The following ZNF516 variants were observed in gnomAD, a reference collection of about 807,000 sequenced individuals.
ZNF516 encodes zinc finger protein 516.
ZNF516 carries 19 observed loss-of-function variants against 79.7 expected under a neutral mutation model. The ratio of observed to expected loss-of-function variants is 0.24; its 90% CI spans 0.17 to 0.35. The LOEUF (loss-of-function observed/expected upper bound fraction) is 0.35, where lower values mean the gene tolerates loss of function less well. Among genes scored for constraint, ZNF516 ranks in the 10% least tolerant of loss-of-function variants. ZNF516 has a pLI of 1.00. For synonymous variants in ZNF516, 877 were observed against 739.5 expected (o/e 1.19, Z -3.02); for missense variants, 1,678 against 1,679.5 (o/e 1.00, Z 0.02).
intron 3 of ZNF516, among the ~76,000 whole-genome samples, chr18:76,422,413 G>A (rs1001977601): frequency 6.6e-6 from 1 of 152,232 alleles, no homozygotes; most frequent in Non-Finnish European, 1.5e-5. Context: ...CTGCAAACAC[G>A]TGACTGCCCT....
chr18:76,479,075 T>C (rs1914343891), intron 1 of ZNF516, among the ~76,000 whole-genome samples: 1 of 150,624 alleles, frequency 6.6e-6, no homozygotes. Context: ...AAAGATCCAC[T>C]GGGGAAGAGA....
intron 1 of ZNF516, among the ~76,000 whole-genome samples, chr18:76,482,215 C>T (rs768705369): frequency 6.6e-6 from 1 of 152,204 alleles, no homozygotes; most frequent in Non-Finnish European, 1.5e-5. Context: ...AAGCTCACAT[C>T]CTAAGTTTTG....
At chr18:76,407,601 G>A (rs1025598326) in intron 3 of ZNF516, among the ~76,000 whole-genome samples, 2 of 152,068 alleles carry the variant, frequency 1.3e-5, no homozygotes, top group African/African-American at 2.4e-5. Context: ...CAATCCACTC[G>A]TCCACCACCA....
intron 3 of ZNF516, among the ~76,000 whole-genome samples, chr18:76,437,113 C>A (rs948038674): frequency 7.1e-6 from 1 of 140,850 alleles, no homozygotes; most frequent in Non-Finnish European, 1.6e-5. Flanking sequence ...CCGTCTCTCA[C>A]CCTCCCTAAG....
chr18:76,399,815 C>T (rs1240976192), intron 3 of ZNF516, among the ~76,000 whole-genome samples: 1 of 152,182 alleles, frequency 6.6e-6, no homozygotes. Flanking sequence ...CAGGTGGTCA[C>T]CACCTGCAGG....
rs375064691 is a variant in ZNF516 at position 76,380,209 on chromosome 18, C to G, written c.1905G>C (p.Ser635=). The G allele has an allele frequency of 6.2e-6, 10 of 1,613,948 alleles. No homozygotes were observed. The highest frequency in any genetic ancestry group is 1.3e-5 in the African/African-American group (1 of 75,018). Residue 635 remains serine (S), a synonymous_variant, in exon 4 of 7, where the codon TCG becomes TCC. Coordinates refer to ENST00000443185, the MANE Select transcript of ZNF516 (RefSeq NM_014643.4). ...DQSHKMGDNA[S]ERDTGESKAG... ...CCTTGGACTCGCCGGTGTCTCTTTC[C>G]GAGGCGTTATCTCCCATCTTGTGAC...
chr18:76,401,782 A>T (rs866285398), intron 3 of ZNF516, among the ~76,000 whole-genome samples: 1 of 93,722 alleles, frequency 1.1e-5, no homozygotes, highest in African/African-American at 4.8e-5. Context: ...CTCTCCACCA[A>T]CCACACCCCC....
intron 3 of ZNF516, among the ~76,000 whole-genome samples, chr18:76,397,060 C>CG (rs936578556): frequency 1.3e-5 from 2 of 152,128 alleles, no homozygotes; most frequent in Non-Finnish European, 2.9e-5. Flanking sequence ...ACAGAAAAGC[C>CG]GGGGGACACA....
At position 76,443,152 on chromosome 18, in the gene ZNF516, G is replaced by A. The variant is rs1047547900; in HGVS notation, c.-98C>T. On this transcript the variant is annotated 5_prime_UTR_variant, in exon 3 of 7. The change creates a new upstream start codon in the 5' untranslated region. Coordinates refer to ENST00000443185, the MANE Select transcript of ZNF516 (RefSeq NM_014643.4). Reference sequence around the variant, plus strand: ...TCCATGGTCAGAAGAGCCAAAAGACGTGCCTGCTCCCAGGAGGTGCACCTT... The same window carrying A: ...TCCATGGTCAGAAGAGCCAAAAGACATGCCTGCTCCCAGGAGGTGCACCTT... The A allele has an allele frequency of 1.4e-6, 2 of 1,450,738 alleles. No individual in the cohort carries two copies. Among genetic ancestry groups the A allele is most frequent in the East Asian group, 2.6e-5 (1 of 39,162 alleles). The allele number at this position is 1,450,738 out of a possible 1,614,324, so 89.9% of individuals were successfully genotyped here. A position where few individuals can be genotyped will look rare whatever the true frequency, so the allele number is the denominator to read the frequency against.
chr18:76,415,623 G>T (rs554954825), intron 3 of ZNF516, among the ~76,000 whole-genome samples: 33 of 152,292 alleles, frequency 2.2e-4, no homozygotes, highest in Middle Eastern at 6.8e-3. Context: ...GGTTCTCGGG[G>T]AAACAGCCGT....
chr18:76,478,812 G>A (rs960603445), intron 1 of ZNF516, among the ~76,000 whole-genome samples: 2 of 152,112 alleles, frequency 1.3e-5, no homozygotes, highest in Admixed American at 6.5e-5. Flanking sequence ...TCCCGGCACT[G>A]TAAGAGGCCG....
In ZNF516 at chr18:76,442,422, C is replaced by T. The variant is rs1911740365; in HGVS notation, c.633G>A (p.Arg211=). The part of the protein sequence containing the change: ...KCRLCSYATL[R]EESLLSHIER... ...CGATGTGGCTCAGCAGCGACTCCTC[C>T]CGCAGCGTCGCGTAGCTGCACAGCC... Residue 211 remains arginine (R), a synonymous_variant, in exon 3 of 7, where the codon CGG becomes CGA. Coordinates refer to ENST00000443185, the MANE Select transcript of ZNF516 (RefSeq NM_014643.4). 1 of 1,607,190 alleles carries T rather than the reference C, an allele frequency of 6.2e-7. No homozygotes were observed. Among genetic ancestry groups the T allele is most frequent in the Non-Finnish European group, 8.5e-7 (1 of 1,179,640 alleles).
At chr18:76,391,581 C>T (rs1020313253) in intron 3 of ZNF516, among the ~76,000 whole-genome samples, 25 of 152,286 alleles carry the variant, frequency 1.6e-4, no homozygotes, top group East Asian at 1.4e-3. Flanking sequence ...TGGACTTGCC[C>T]GCAGCCAGGT....
At chr18:76,398,423 T>C (rs532746517) in intron 3 of ZNF516, among the ~76,000 whole-genome samples, 17 of 152,340 alleles carry the variant, frequency 1.1e-4, no homozygotes, top group Admixed American at 9.8e-4. Flanking sequence ...AATCTTTCCT[T>C]GTATGACGCA....
At chr18:76,475,399 G>C (rs1233137598) in intron 1 of ZNF516, among the ~76,000 whole-genome samples, 4 of 152,322 alleles carry the variant, frequency 2.6e-5, no homozygotes, top group Admixed American at 2.0e-4. Context: ...GTTTTGCAGG[G>C]AACGTAAAAT....
chr18:76,444,548 C>T (rs1911925773), intron 2 of ZNF516, among the ~76,000 whole-genome samples: 1 of 152,232 alleles, frequency 6.6e-6, no homozygotes, highest in Non-Finnish European at 1.5e-5. Flanking sequence ...TAACACACAG[C>T]TTCCATGAAA....
chr18:76,398,182 T>C (rs190397967), intron 3 of ZNF516, among the ~76,000 whole-genome samples: 5 of 152,352 alleles, frequency 3.3e-5, no homozygotes, highest in Non-Finnish European at 5.9e-5. Context: ...GTGAATCAAA[T>C]GCTGAAGTGA....
At chr18:76,412,240 A>G (rs2075380359) in intron 3 of ZNF516, among the ~76,000 whole-genome samples, 1 of 152,154 alleles carries the variant, frequency 6.6e-6, no homozygotes, top group African/African-American at 2.4e-5. Context: ...CGCCGTGCTG[A>G]CTGCTGCTGC....
intron 1 of ZNF516, among the ~76,000 whole-genome samples, chr18:76,487,020 C>T (rs77998951): frequency 0.16 from 23,812 of 152,104 alleles, 2,343 homozygotes; most frequent in South Asian, 0.38. Flanking sequence ...TTTTAGTCAT[C>T]ACTTAACATA....
Sources: allele counts gnomAD v4.1 joint callset (sites outside exome capture counted in the v4.1 genomes callset), GRCh38; gene constraint gnomAD v4.1.1; transcripts MANE v1.5; gene names NCBI Gene and HGNC (gene_info 2026-07-23, HGNC 2026-07-21).